PCNX2: variants seen among roughly 807,000 people sequenced by gnomAD.
PCNX2 encodes pecanex 2, also known as pecanex-like protein 2.
A neutral mutation model predicts 223.8 loss-of-function variants in PCNX2; 168 were observed. The observed-to-expected ratio is 0.75, with a 90% CI of 0.66 to 0.85. The LOEUF (loss-of-function observed/expected upper bound fraction) is 0.85. Ranked by LOEUF, PCNX2 falls within the 40% of genes least tolerant of loss-of-function variation. PCNX2 has a pLI of 0.00. For missense variants in PCNX2, 2,507 were observed against 2,675.5 expected (o/e 0.94, Z 1.39); for synonymous variants, 1,006 against 1,052.6 (o/e 0.96, Z 0.86).
intron 5 of PCNX2, among the ~76,000 whole-genome samples, chr1:233,254,356 T>C (rs1463643641): frequency 1.3e-5 from 2 of 152,226 alleles, no homozygotes; most frequent in Non-Finnish European, 2.9e-5. Context: ...CCAGTAATCA[T>C]GCCTCATAAA....
intron 19 of PCNX2, among the ~76,000 whole-genome samples, chr1:233,141,380 A>T (rs546562841): frequency 6.6e-6 from 1 of 152,338 alleles, no homozygotes; most frequent in Non-Finnish European, 1.5e-5. Context: ...AAAAATATGA[A>T]GAGAGACCGG....
At chr1:233,292,030 A>G (rs550055130) in intron 1 of PCNX2, 9 of 970,032 alleles carry the variant, frequency 9.3e-6, no homozygotes, top group Non-Finnish European at 9.8e-6. Context: ...TACATAGTTT[A>G]TAAATGCTAA....
At chr1:232,999,883 T>G (rs1670019844) in intron 30 of PCNX2, among the ~76,000 whole-genome samples, 1 of 152,186 alleles carries the variant, frequency 6.6e-6, no homozygotes, top group Admixed American at 6.5e-5. Context: ...GAAAGTAGTT[T>G]TTGTTTTCAC....
intron 31 of PCNX2, 75 bp downstream of exon 31, chr1:232,999,030 A>G: frequency 6.8e-7 from 1 of 1,470,474 alleles, no homozygotes; most frequent in Non-Finnish European, 9.1e-7. Context: ...AATCTGAACC[A>G]GGAGTACAGA....
chr1:233,127,275 T>C lies in PCNX2; in HGVS notation c.3837+7738A>G, dbSNP rs148306292. Among the ~76,000 whole-genome samples, 439 of 152,240 alleles carry C rather than the reference T, an allele frequency of 2.9e-3. 18 individuals are homozygous for C. The East Asian group carries it at 0.076, about 26-fold the overall frequency. On this transcript the variant is annotated intron_variant, in intron 21 of 33. Transcript: ENST00000258229. ...ACATCTCCAGGTTCATCTCTCACTT[T>C]CCCAACCATCCACTCCCCTTTCCAG...
In PCNX2 at chr1:233,014,661, G is replaced by A. The variant is rs1168184069; in HGVS notation, c.4952+4C>T. ...AAGAGATTCTAACTTCTCCCCCCAG[G>A]TACCTGATGGCCATATTGTGAGCGG... is the stretch of plus-strand genomic sequence containing the variant. On this transcript the variant is annotated splice_donor_region_variant and intron_variant, in intron 28 of 33. Coordinates refer to ENST00000258229, the MANE Select transcript of PCNX2 (RefSeq NM_014801.4). 2 of 1,612,374 alleles carry A rather than the reference G, an allele frequency of 1.2e-6. No homozygotes were observed.
chr1:233,141,836 TGAAAA>T (rs1253452713), intron 19 of PCNX2, among the ~76,000 whole-genome samples: 4 of 151,642 alleles, frequency 2.6e-5, no homozygotes, highest in Non-Finnish European at 5.9e-5. Flanking sequence ...AAATCTTACT[TGAAAA>T]GAATTCATTC....
chr1:233,263,604 C>T (rs553279320), intron 1 of PCNX2, among the ~76,000 whole-genome samples: 51 of 152,088 alleles, frequency 3.4e-4, no homozygotes, highest in African/African-American at 1.2e-3. Context: ...TACAGGCATT[C>T]ACCACCATGC....
rs1442823442 is a variant in PCNX2 at position 233,258,038 on chromosome 1, C to A, written c.1824G>T (p.Gly608=). Residue 608 remains glycine, a synonymous_variant, in exon 5 of 34, where the codon GGG becomes GGT. Transcript: ENST00000258229. ...NGSAEQNEES[G]LLRDNCSQEK... is the part of the protein sequence containing the mutation. Reference sequence around the variant, plus strand: ...GACATGGAATCGCACCTCGGAGAAGCCCACTTTCTTCATTCTGCTCAGCTG... The same window carrying A: ...GACATGGAATCGCACCTCGGAGAAGACCACTTTCTTCATTCTGCTCAGCTG... The A allele has an allele frequency of 6.2e-7, 1 of 1,610,668 alleles. No individual in the cohort carries two copies. The highest frequency in any genetic ancestry group is 1.1e-5 in the South Asian group (1 of 91,004).
Position 232,986,354 on chromosome 1 carries a change from G to C in PCNX2, c.5978C>G (p.Ser1993Cys), listed in dbSNP as rs1386242074. ...SRLSLHASAT[S>C]LHSQPPPVTT... ...GACGGGCGGGGGCTGAGAGTGCAGG[G>C]ACGTGGCCGAGGCGTGCAAGGAGAG... The change falls in exon 33 of 34, where the codon TCC becomes TGC. Residue 1993 changes from serine to cysteine, a missense_variant. This residue lies in a region of PCNX2 where 1,372 missense variants were observed against 1,509.4 expected (regional missense o/e 0.91). Transcript: ENST00000258229. 6.2e-7 allele frequency: 1 copy of C among 1,600,806 alleles called. No individual in the cohort carries two copies. Among genetic ancestry groups the C allele is most frequent in the Non-Finnish European group, 8.5e-7 (1 of 1,173,986 alleles).
chr1:233,151,077 T>C (rs950869772), intron 19 of PCNX2, among the ~76,000 whole-genome samples: 2 of 152,136 alleles, frequency 1.3e-5, no homozygotes, highest in Non-Finnish European at 2.9e-5. Context: ...GTGCTTACTT[T>C]TGCATCCTCA....
chr1:233,262,002 G>A (rs867725040), intron 3 of PCNX2, 43 bp downstream of exon 3: 5 of 1,610,380 alleles, frequency 3.1e-6, no homozygotes, highest in Non-Finnish European at 4.2e-6. Context: ...GATCAACATC[G>A]AAATCACATG....
chr1:233,137,168 C>T (rs1012208800), intron 20 of PCNX2, among the ~76,000 whole-genome samples: 5 of 152,204 alleles, frequency 3.3e-5, no homozygotes, highest in Non-Finnish European at 4.4e-5. Flanking sequence ...ACCCCACTGT[C>T]GGTGTGGAGT....
intron 10 of PCNX2, among the ~76,000 whole-genome samples, chr1:233,218,464 A>G (rs187059726): frequency 2.8e-3 from 420 of 151,932 alleles, no homozygotes; most frequent in Non-Finnish European, 4.2e-3. Context: ...GTTAGTCAGG[A>G]TGGTCTTGAT....
In PCNX2 at chr1:232,984,271, G is replaced by T. The variant is rs754280422; in HGVS notation, c.*33C>A. 7 of 1,546,362 alleles carry T rather than the reference G, an allele frequency of 4.5e-6. No individual in the cohort carries two copies. The highest frequency in any genetic ancestry group is 6.1e-6 in the Non-Finnish European group (7 of 1,146,168). ...AGAGCAATGCAGGTGGGAGGTGTGG[G>T]GGAGCCAGCCTCCCCGCCCGGCCGC... is the stretch of plus-strand genomic sequence containing the variant. On this transcript the variant is annotated 3_prime_UTR_variant, in exon 34 of 34. Coordinates refer to ENST00000258229, the MANE Select transcript of PCNX2 (RefSeq NM_014801.4).
At chr1:233,157,447 C>T (rs757824621) in intron 19 of PCNX2, among the ~76,000 whole-genome samples, 7 of 152,184 alleles carry the variant, frequency 4.6e-5, no homozygotes, top group Non-Finnish European at 8.8e-5. Flanking sequence ...ATGTCTGCCA[C>T]CAGCCCAGTT....
intron 13 of PCNX2, among the ~76,000 whole-genome samples, chr1:233,204,344 G>A (rs1271974156): frequency 6.6e-6 from 1 of 152,174 alleles, no homozygotes; most frequent in African/African-American, 2.4e-5. Context: ...CTCCAGAACT[G>A]CAAGACAATA....
At chr1:233,319,669 T>C in the PCNX2 span, among the ~76,000 whole-genome samples, 21 of 152,362 alleles carry the variant, frequency 1.4e-4, no homozygotes, top group Admixed American at 1.3e-3. Context: ...ACAAGTGCTT[T>C]ATCGGCAGAG....
intron 9 of PCNX2, among the ~76,000 whole-genome samples, chr1:233,235,419 G>A (rs531218273): frequency 5.9e-5 from 9 of 152,090 alleles, no homozygotes; most frequent in African/African-American, 1.9e-4. Flanking sequence ...CCAAAGTGTT[G>A]GGATTACAGG....
Sources: allele counts gnomAD v4.1 joint callset (sites outside exome capture counted in the v4.1 genomes callset), GRCh38; gene constraint gnomAD v4.1.1; regional missense constraint gnomAD v4.1.1; transcripts MANE v1.5; gene names NCBI Gene and HGNC (gene_info 2026-07-23, HGNC 2026-07-21).